LCT: variants seen among roughly 807,000 people sequenced by gnomAD.
The protein encoded by LCT is lactase/phlorizin hydrolase.
A neutral mutation model predicts 173.0 loss-of-function variants in LCT; 90 were observed. The observed-to-expected ratio is 0.52, with a 90% CI of 0.44 to 0.62. LCT has a LOEUF of 0.62. LCT is among the 20% of genes least tolerant of loss of function. The probability of loss-of-function intolerance (pLI) is 0.00; values close to 1 mark genes in which losing one functional copy is unlikely to be tolerated. For synonymous variants in LCT, 853 were observed against 957.6 expected, an observed-to-expected ratio of 0.89 and a Z score of 2.02; for missense variants, 1,864 against 2,431.4, an observed-to-expected ratio of 0.77 and a Z score of 4.91.
chr2:135,827,269 T>C (rs1365015369), intron 3 of LCT, among the ~76,000 whole-genome samples: 1 of 152,154 alleles, frequency 6.6e-6, no homozygotes. Context: ...GTGAGACTTA[T>C]TTTTCTTTTG....
At chr2:135,836,005 TATATATATATGTATACATA>T (rs1248736212) in intron 1 of LCT, among the ~76,000 whole-genome samples, 1 of 18,382 alleles carries the variant, frequency 5.4e-5, no homozygotes, top group Non-Finnish European at 3.5e-4. Context: ...TATATATATA[TATATATATATGTATACATA>T]TTTTTTTTTT....
At chr2:135,821,675 A>G (rs1475071923) in intron 5 of LCT, 3 of 298,870 alleles carry the variant, frequency 1.0e-5, no homozygotes, top group Admixed American at 4.8e-5. Flanking sequence ...TTTTTTGTAG[A>G]GACAGAGTTT....
In LCT at chr2:135,808,763, C is replaced by T. The variant is rs765243867; in HGVS notation, c.3584G>A (p.Arg1195Lys). ...GACGTCGGCCGTCGCCCTGATGAAC[C>T]TCTTCTCTTCCTCAGTGAAGCTTGG... ...RLPSFTEEEK[R>K]FIRATADVFC... The change falls in exon 8 of 17, where the codon AGG becomes AAG. Residue 1195 changes from arginine to lysine, a missense_variant. Around this residue, in one of 4 missense-constraint regions of LCT, gnomAD observed 755 missense variants for 926.3 expected, o/e 0.82. Coordinates refer to ENST00000264162, the MANE Select transcript of LCT (RefSeq NM_002299.4). 3 of 1,614,076 alleles carry T rather than the reference C, an allele frequency of 1.9e-6. No homozygotes were observed. Among genetic ancestry groups the T allele is most frequent in the Non-Finnish European group, 1.7e-6 (2 of 1,179,922 alleles).
At chr2:135,789,529 C>G (rs2077518110) in intron 16 of LCT, 42 bp downstream of exon 16, 3 of 1,467,228 alleles carry the variant, frequency 2.0e-6, no homozygotes. Context: ...TCCACCTGCC[C>G]TTCACCCTTA....
chr2:135,819,981 C>T (rs1211488602), intron 5 of LCT, among the ~76,000 whole-genome samples: 2 of 152,138 alleles, frequency 1.3e-5, no homozygotes, highest in Admixed American at 6.5e-5. Flanking sequence ...TAGCACATGA[C>T]GGCACCTCAG....
chr2:135,821,608 G>A, intron 5 of LCT: 1 of 212,962 alleles, frequency 4.7e-6, no homozygotes, highest in Non-Finnish European at 9.5e-6. Context: ...AGTCTCCCAA[G>A]TAGCTGGGAC....
chr2:135,798,224 C>A, intron 12 of LCT, 86 bp from the exon 13 acceptor site: 1 of 793,228 alleles, frequency 1.3e-6, no homozygotes, highest in African/African-American at 1.7e-5. Context: ...AGTGCCTGGC[C>A]TCACAACCTC....
chr2:135,823,680 C>T (rs961404064), intron 4 of LCT, among the ~76,000 whole-genome samples: 3 of 152,200 alleles, frequency 2.0e-5, no homozygotes, highest in Non-Finnish European at 2.9e-5. Flanking sequence ...TAAGAGGCAT[C>T]CTTGTGTCGA....
At position 135,817,404 on chromosome 2, in the gene LCT, G is replaced by C; in HGVS notation, c.1644C>G (p.Tyr548Ter). 6.2e-7 allele frequency: 1 copy of C among 1,614,126 alleles called. No individual in the cohort carries two copies. The highest frequency in any genetic ancestry group is 8.5e-7 in the Non-Finnish European group (1 of 1,180,008). ...GGTGCTGGCCGGTGCCATAGCCTGC[G>C]TAGCTCATCACCCACGGCTCATGGA... is the stretch of plus-strand genomic sequence containing the variant. ...VTFHEPWVMS[Y>*]AGYGTGQHPP... Residue 548 changes from tyrosine to a stop codon, truncating the protein, a stop_gained, in exon 6 of 17, where the codon TAC becomes TAG. Coordinates refer to ENST00000264162, the MANE Select transcript of LCT (RefSeq NM_002299.4). LOFTEE classifies it high-confidence loss of function.
Position 135,829,667 on chromosome 2 carries a change from C to A in LCT, c.730G>T (p.Asp244Tyr). The A allele has an allele frequency of 3.7e-6, 6 of 1,611,540 alleles. No homozygotes were observed. Among genetic ancestry groups the A allele is most frequent in the Non-Finnish European group, 5.1e-6 (6 of 1,177,668 alleles). ...TAAGACAAATCAAGAGAGAGGAAAT[C>A]GACCGTGTCCTGAAAATAGTAGTTA... ...PISALAQDTV[D>Y]FLSLDLSYEC... Residue 244 changes from aspartate (D) to tyrosine (Y), a missense_variant, in exon 3 of 17, where the codon GAT (aspartate) becomes TAT (tyrosine). Transcript: ENST00000264162.
At chr2:135,824,741 G>A (rs747320030) in intron 3 of LCT, among the ~76,000 whole-genome samples, 2 of 152,232 alleles carry the variant, frequency 1.3e-5, no homozygotes, top group South Asian at 2.1e-4. Flanking sequence ...GGTGGCTCAC[G>A]CCTATAATCC....
rs1029014051 is a variant in LCT, at chr2:135,799,730, G to A, written c.4866+877C>T. Among the ~76,000 whole-genome samples the A allele has an allele frequency of 7.2e-5, 11 of 152,136 alleles. 1 individual carries two copies. Among genetic ancestry groups the A allele is most frequent in the South Asian group, 4.1e-4 (2 of 4,826 alleles). On this transcript the variant is annotated intron_variant, in intron 12 of 16. Coordinates refer to ENST00000264162, the MANE Select transcript of LCT (RefSeq NM_002299.4). ...CTCCCAAAGTGCTGGGATTACAGGC[G>A]TGAGCCACCTTGCCCAGTCGGCTTC... is the stretch of plus-strand genomic sequence containing the variant.
At chr2:135,811,308 C>T (rs928954327) in intron 7 of LCT, among the ~76,000 whole-genome samples, 20 of 152,026 alleles carry the variant, frequency 1.3e-4, no homozygotes, top group African/African-American at 4.8e-4. Context: ...ACCCGTGGTG[C>T]CAGTGAATAT....
In LCT at chr2:135,794,627, G is replaced by C. The variant is rs2077563731; in HGVS notation, c.5111+14C>G. ...TTCCAGAGATGGCTCCGGGCTCCCT[G>C]TTGGTGGACTTACCTGTCTGCATCA... On this transcript the variant is annotated intron_variant, in intron 14 of 16. Transcript: ENST00000264162. 1 of 1,613,582 alleles carries C rather than the reference G, an allele frequency of 6.2e-7. No individual in the cohort carries two copies. Among genetic ancestry groups the C allele is most frequent in the African/African-American group, 1.3e-5 (1 of 74,914 alleles).
At chr2:135,795,194 T>C (rs889190156) in intron 13 of LCT, among the ~76,000 whole-genome samples, 1 of 141,654 alleles carries the variant, frequency 7.1e-6, no homozygotes, top group African/African-American at 2.6e-5. Context: ...CCTATGTTTG[T>C]AAAGTTAGAT....
At chr2:135,806,768 T>C (rs1046846554) in intron 9 of LCT, among the ~76,000 whole-genome samples, 31 of 152,212 alleles carry the variant, frequency 2.0e-4, no homozygotes, top group African/African-American at 7.0e-4. Flanking sequence ...CTCTGTGTGA[T>C]GTTCACACAA....
intron 3 of LCT, among the ~76,000 whole-genome samples, chr2:135,828,228 T>A (rs2077902535): frequency 6.6e-6 from 1 of 152,304 alleles, no homozygotes; most frequent in South Asian, 2.1e-4. Flanking sequence ...TTTTGCCATG[T>A]TGGCCAGGAT....
Position 135,836,862 on chromosome 2 carries a change from T to C in LCT, c.308A>G (p.Gln103Arg). Residue 103 changes from glutamine (Q) to arginine (R), a missense_variant, in exon 1 of 17, where the codon CAG (glutamine) becomes CGG (arginine). Gln to Arg is a conservative substitution (Grantham distance 43). Transcript: ENST00000264162. Reference protein sequence around the residue: ...WAQLLPAGSTQNPDEKTVQCY... With the variant: ...WAQLLPAGSTRNPDEKTVQCY... ...CTGCACTGTTTTCTCGTCTGGATTC[T>C]GGGTGCTTCCTGCTGGGAGGAGCTG... 6.2e-7 allele frequency: 1 copy of C among 1,614,210 alleles called. No individual in the cohort carries two copies. The highest frequency in any genetic ancestry group is 8.5e-7 in the Non-Finnish European group (1 of 1,180,042).
rs751614705 is a variant in LCT at position 135,807,173 on chromosome 2, C to T, written c.4128G>A (p.Arg1376=). Residue 1376 remains arginine (R), a synonymous_variant, in exon 9 of 17, where the codon CGG becomes CGA. Coordinates refer to ENST00000264162, the MANE Select transcript of LCT (RefSeq NM_002299.4). ...CACTCCAGATGAAGCCCTCAGGAAA[C>T]CGTCCGTACAGAAACTCATCCTCCC... ...LAREDEFLYG[R]FPEGFIWSAA... The T allele has an allele frequency of 1.5e-5, 25 of 1,614,254 alleles. No homozygotes were observed. In the South Asian group the frequency reaches 2.5e-4, roughly 16 times the overall value.
Sources: allele counts gnomAD v4.1 joint callset (sites outside exome capture counted in the v4.1 genomes callset), GRCh38; gene constraint gnomAD v4.1.1; regional missense constraint gnomAD v4.1.1; transcripts MANE v1.5; gene names NCBI Gene and HGNC (gene_info 2026-07-23, HGNC 2026-07-21).